The following TMEM26 variants were observed in gnomAD, a reference collection of about 807,000 sequenced individuals.
The protein encoded by TMEM26 is transmembrane protein 26.
TMEM26 carries 38 observed loss-of-function variants against 28.8 expected under a neutral mutation model. The observed-to-expected ratio is 1.32, with a 90% CI of 1.02 to 1.73. TMEM26 has a LOEUF of 1.73. Among genes scored for constraint, TMEM26 ranks in the 40% most tolerant of loss-of-function variants. The pLI is 0.00. For synonymous variants in TMEM26, 227 were observed against 182.9 expected (o/e 1.24, Z -1.95); for missense variants, 518 against 447.1 (o/e 1.16, Z -1.43).
chr10:61,415,650 G>A (rs1430641458), intron 4 of TMEM26, among the ~76,000 whole-genome samples: 3 of 151,976 alleles, frequency 2.0e-5, no homozygotes, highest in Non-Finnish European at 4.4e-5. Flanking sequence ...CTAGACAGCT[G>A]ATTTCAGCAT....
At chr10:61,429,191 C>T in intron 3 of TMEM26, 45 bp from the exon 4 acceptor site, 1 of 1,504,174 alleles carries the variant, frequency 6.6e-7, no homozygotes. Flanking sequence ...CAGCCACCAC[C>T]TGAGAGAGAA....
At chr10:61,429,559 G>A (rs12764963) in intron 3 of TMEM26, among the ~76,000 whole-genome samples, 14,874 of 151,858 alleles carry the variant, frequency 0.098, 1,556 homozygotes, top group African/African-American at 0.26. Context: ...AAATCTGAAT[G>A]TACTAATCTT....
In TMEM26 at chr10:61,409,395, C is replaced by T. The variant is rs1839535862; in HGVS notation, c.*927G>A. The T allele has an allele frequency of 2.0e-5, 3 of 152,350 alleles. No homozygotes were observed. The highest frequency in any genetic ancestry group is 1.3e-4 in the Admixed American group (2 of 15,296). 9.4% of individuals were successfully genotyped at this position (152,350 alleles called of 1,614,324 possible). The stretch of plus-strand genomic sequence containing the variant: ...TTCCAGTAGTCGCGGTTCAAAGAAG[C>T]TGCAGCTTTGTTCACTACTGCTGGC... On this transcript the variant is annotated 3_prime_UTR_variant, in exon 6 of 6. Transcript: ENST00000399298.
intron 5 of TMEM26, among the ~76,000 whole-genome samples, chr10:61,412,593 CA>C (rs1839585026): frequency 1.3e-5 from 2 of 152,016 alleles, no homozygotes; most frequent in Non-Finnish European, 2.9e-5. Context: ...ATTCTCAAAT[CA>C]AAATTCTAGG....
intron 2 of TMEM26, among the ~76,000 whole-genome samples, 177 bp downstream of exon 2, chr10:61,435,993 G>A (rs1052942594): frequency 1.3e-5 from 2 of 151,044 alleles, no homozygotes; most frequent in African/African-American, 4.9e-5. Flanking sequence ...TTTTATTGGA[G>A]TTTTTTTTTG....
chr10:61,446,470 T>C (rs1048093342), intron 1 of TMEM26, among the ~76,000 whole-genome samples: 2 of 152,144 alleles, frequency 1.3e-5, no homozygotes, highest in Admixed American at 6.5e-5. Context: ...CATATAAAAG[T>C]TATATTTACA....
chr10:61,450,015 T>C (rs1004522210), intron 1 of TMEM26, among the ~76,000 whole-genome samples: 2 of 152,176 alleles, frequency 1.3e-5, no homozygotes, highest in Non-Finnish European at 2.9e-5. Flanking sequence ...GCCTATAGTA[T>C]GAATATTTCA....
chr10:61,418,150 A>G (rs1357474420), intron 4 of TMEM26, among the ~76,000 whole-genome samples: 1 of 151,996 alleles, frequency 6.6e-6, no homozygotes, highest in Non-Finnish European at 1.5e-5. Context: ...CAGGAGAAAG[A>G]TTAAACTCAA....
intron 1 of TMEM26, among the ~76,000 whole-genome samples, chr10:61,439,268 C>T (rs1239707414): frequency 6.6e-6 from 1 of 152,196 alleles, no homozygotes; most frequent in Non-Finnish European, 1.5e-5. Flanking sequence ...GTGTATAAGA[C>T]TTCGCTTTCC....
At chr10:61,444,446 C>T (rs184232514) in intron 1 of TMEM26, among the ~76,000 whole-genome samples, 4 of 152,112 alleles carry the variant, frequency 2.6e-5, no homozygotes, top group African/African-American at 9.6e-5. Context: ...GAGATTGGTT[C>T]TTTAGGACGA....
At chr10:61,421,146 G>A (rs1464341254) in intron 4 of TMEM26, among the ~76,000 whole-genome samples, 2 of 151,986 alleles carry the variant, frequency 1.3e-5, no homozygotes, top group African/African-American at 4.8e-5. Flanking sequence ...CTATAATAGA[G>A]TGTGAAATTT....
chr10:61,413,608 T>G, intron 4 of TMEM26, 73 bp from the exon 5 acceptor site: 1 of 1,482,250 alleles, frequency 6.7e-7, no homozygotes, highest in Non-Finnish European at 9.0e-7. Flanking sequence ...CTCAGTCAAG[T>G]TTTTTAGTAT....
rs1463042444 is a variant in TMEM26, at chr10:61,436,235, T to C, written c.205A>G (p.Ile69Val). The change falls in exon 2 of 6, where the codon ATA (isoleucine) becomes GTA (valine). Residue 69 changes from isoleucine (I) to valine (V), a missense_variant. Transcript: ENST00000399298. ...ACGATGCTAATCAGATATAAAAATA[T>C]GGCTGGTGAAAACCTGTGAAAAGAG... is the stretch of plus-strand genomic sequence containing the variant. Reference protein sequence around the residue: ...GRGYKWFSPAIFLYLISIVPS... With the variant: ...GRGYKWFSPAVFLYLISIVPS... The C allele has an allele frequency of 1.2e-6, 2 of 1,601,960 alleles. No homozygotes were observed. The highest frequency in any genetic ancestry group is 1.7e-6 in the Non-Finnish European group (2 of 1,173,646).
intron 2 of TMEM26, among the ~76,000 whole-genome samples, chr10:61,434,372 T>C (rs1839969763): frequency 6.6e-6 from 1 of 152,200 alleles, no homozygotes; most frequent in Non-Finnish European, 1.5e-5. Flanking sequence ...GTAACGGGAT[T>C]TGAGCTGTAT....
At chr10:61,422,165 C>T (rs1359104846) in intron 4 of TMEM26, among the ~76,000 whole-genome samples, 2 of 152,014 alleles carry the variant, frequency 1.3e-5, no homozygotes, top group Admixed American at 6.6e-5. Context: ...GAAGCAAAAA[C>T]TGACAGTATT....
In TMEM26 at chr10:61,431,307, G is replaced by A. The variant is rs1340989687; in HGVS notation, c.296C>T (p.Thr99Ile). Residue 99 changes from threonine (T) to isoleucine (I), a missense_variant, in exon 3 of 6, where the codon ACA becomes ATA. Physicochemically the swap from Thr to Ile is moderately conservative, Grantham distance 89. Coordinates refer to ENST00000399298, the MANE Select transcript of TMEM26 (RefSeq NM_178505.8). The stretch of plus-strand genomic sequence containing the variant: ...TTCTTTTCTGCTGGTATTCTGTGAT[G>A]TTCCTTCAGCCTGGATACTGCAATA... Reference protein sequence around the residue: ...TQYCSIQAEGTSQNTSRKEDF... With the variant: ...TQYCSIQAEGISQNTSRKEDF... The A allele has an allele frequency of 2.5e-6, 4 of 1,613,066 alleles. No homozygotes were observed. Among genetic ancestry groups the A allele is most frequent in the East Asian group, 2.2e-5 (1 of 44,812 alleles).
intron 4 of TMEM26, among the ~76,000 whole-genome samples, chr10:61,422,946 C>T (rs1007437608): frequency 1.3e-5 from 2 of 152,030 alleles, no homozygotes; most frequent in Admixed American, 6.6e-5. Flanking sequence ...TAAACATCAG[C>T]CTCTCCCCTC....
chr10:61,408,416 T>C lies in TMEM26; in HGVS notation c.*1906A>G, dbSNP rs184137369. 13 of 152,362 alleles carry C rather than the reference T, an allele frequency of 8.5e-5. No individual in the cohort carries two copies. The highest frequency in any genetic ancestry group is 2.4e-4 in the African/African-American group (10 of 41,594). 9.4% of individuals were successfully genotyped at this position (152,362 alleles called of 1,614,324 possible). A position where few individuals can be genotyped will look rare whatever the true frequency, so the allele number is the denominator to read the frequency against. On this transcript the variant is annotated 3_prime_UTR_variant, in exon 6 of 6. Transcript: ENST00000399298. ...GCAACAGCCGTACTACTTTATACTT[T>C]ATCTATTTTTAGGGCCTCAGTGTTT...
chr10:61,419,526 G>A (rs1359916104), intron 4 of TMEM26, among the ~76,000 whole-genome samples: 1 of 148,386 alleles, frequency 6.7e-6, no homozygotes, highest in East Asian at 1.9e-4. Context: ...TATGCAAACT[G>A]AAGTGAAAAA....
Sources: allele counts gnomAD v4.1 joint callset (sites outside exome capture counted in the v4.1 genomes callset), GRCh38; gene constraint gnomAD v4.1.1; transcripts MANE v1.5; gene names NCBI Gene and HGNC (gene_info 2026-07-23, HGNC 2026-07-21).